The following KCNK13 variants were observed in gnomAD, a reference collection of about 807,000 sequenced individuals.
KCNK13 encodes potassium two pore domain channel subfamily K member 13.
KCNK13 carries 12 observed loss-of-function variants against 23.4 expected under a neutral mutation model. The ratio of observed to expected loss-of-function variants is 0.51; its 90% CI spans 0.33 to 0.83. The LOEUF is 0.83. Among genes scored for constraint, KCNK13 ranks in the 40% least tolerant of loss-of-function variants. KCNK13 has a pLI of 0.02. For synonymous variants in KCNK13, 231 were observed against 229.5 expected (o/e 1.01, Z -0.06); for missense variants, 463 against 556.3 (o/e 0.83, Z 1.69).
At chr14:90,143,179 TC>T (rs61271695) in intron 1 of KCNK13, among the ~76,000 whole-genome samples, 6,787 of 36,184 alleles carry the variant, frequency 0.19, 333 homozygotes, top group South Asian at 0.43. Flanking sequence ...TTCTTTCTTT[TC>T]TTTTCTTTTC....
intron 1 of KCNK13, among the ~76,000 whole-genome samples, chr14:90,112,239 C>T (rs755203859): frequency 6.6e-6 from 1 of 152,218 alleles, no homozygotes; most frequent in Non-Finnish European, 1.5e-5. Context: ...GTGCTGCTGA[C>T]ATGCAGGGAC....
At chr14:90,087,528 G>T (rs994914463) in intron 1 of KCNK13, among the ~76,000 whole-genome samples, 1 of 152,122 alleles carries the variant, frequency 6.6e-6, no homozygotes, top group African/African-American at 2.4e-5. Context: ...GAGAAAAAGG[G>T]AACCTGCCAC....
At chr14:90,094,169 A>G (rs1889381674) in intron 1 of KCNK13, among the ~76,000 whole-genome samples, 2 of 152,198 alleles carry the variant, frequency 1.3e-5, no homozygotes, top group African/African-American at 4.8e-5. Context: ...CATAGGCCTC[A>G]GTAAATATTT....
At chr14:90,131,423 G>A (rs1270545791) in intron 1 of KCNK13, among the ~76,000 whole-genome samples, 1 of 152,106 alleles carries the variant, frequency 6.6e-6, no homozygotes, top group South Asian at 2.1e-4. Flanking sequence ...TTAGAGACGG[G>A]GTTTCACCAT....
At chr14:90,086,386 C>T (rs1010022729) in intron 1 of KCNK13, among the ~76,000 whole-genome samples, 2 of 152,160 alleles carry the variant, frequency 1.3e-5, no homozygotes, top group South Asian at 4.1e-4. Context: ...TTGCCCAAAG[C>T]CACACAGCTA....
intron 1 of KCNK13, among the ~76,000 whole-genome samples, chr14:90,125,639 A>C: frequency 6.6e-6 from 1 of 151,968 alleles, no homozygotes; most frequent in African/African-American, 2.4e-5. Context: ...GCACACACAC[A>C]CAATGATGGA....
intron 1 of KCNK13, among the ~76,000 whole-genome samples, chr14:90,153,841 C>A (rs1283871139): frequency 6.6e-6 from 1 of 152,162 alleles, no homozygotes; most frequent in East Asian, 1.9e-4. Flanking sequence ...TCCTGTGTGC[C>A]CAGCCTTTCT....
chr14:90,086,434 A>G (rs1034038462), intron 1 of KCNK13, among the ~76,000 whole-genome samples: 1 of 152,212 alleles, frequency 6.6e-6, no homozygotes, highest in Non-Finnish European at 1.5e-5. Context: ...TTGTTCAGCC[A>G]TGATTTAAAC....
At chr14:90,086,241 A>G (rs1369251801) in intron 1 of KCNK13, among the ~76,000 whole-genome samples, 3 of 152,150 alleles carry the variant, frequency 2.0e-5, no homozygotes, top group African/African-American at 7.2e-5. Flanking sequence ...CTCACTGCTA[A>G]CATATACTAT....
At chr14:90,172,069 C>T (rs1184412813) in intron 1 of KCNK13, among the ~76,000 whole-genome samples, 3 of 152,160 alleles carry the variant, frequency 2.0e-5, no homozygotes, top group African/African-American at 7.2e-5. Flanking sequence ...GTAATCCCAC[C>T]GCTTTGGGAG....
At chr14:90,133,386 G>C (rs1889897358) in intron 1 of KCNK13, among the ~76,000 whole-genome samples, 1 of 152,108 alleles carries the variant, frequency 6.6e-6, no homozygotes, top group African/African-American at 2.4e-5. Context: ...GGGAGTTTAA[G>C]AGGAAACGGG....
chr14:90,117,753 C>T (rs978430838), intron 1 of KCNK13, among the ~76,000 whole-genome samples: 8 of 152,130 alleles, frequency 5.3e-5, no homozygotes, highest in African/African-American at 1.7e-4. Context: ...GTGTTGTGCA[C>T]CCATTACCTC....
chr14:90,080,242 T>A (rs1043237879), intron 1 of KCNK13, among the ~76,000 whole-genome samples: 1 of 151,994 alleles, frequency 6.6e-6, no homozygotes, highest in Non-Finnish European at 1.5e-5. Context: ...TCACCTGAGG[T>A]CAGGAGTTCG....
At chr14:90,111,081 A>G (rs1246651867) in intron 1 of KCNK13, among the ~76,000 whole-genome samples, 1 of 152,038 alleles carries the variant, frequency 6.6e-6, no homozygotes, top group Non-Finnish European at 1.5e-5. Context: ...TCCCTGCATT[A>G]GCCTATTAAT....
intron 1 of KCNK13, among the ~76,000 whole-genome samples, chr14:90,152,274 G>A (rs995603898): frequency 2.6e-5 from 4 of 152,160 alleles, no homozygotes; most frequent in Non-Finnish European, 5.9e-5. Flanking sequence ...AGTGGCTCAC[G>A]CCTGTAATCC....
intron 1 of KCNK13, among the ~76,000 whole-genome samples, chr14:90,155,789 G>A (rs1173756177): frequency 6.6e-6 from 1 of 152,118 alleles, no homozygotes; most frequent in Non-Finnish European, 1.5e-5. Context: ...GGAAATAAAG[G>A]AATTCCATTT....
chr14:90,176,443 T>A (rs1890422701), intron 1 of KCNK13, among the ~76,000 whole-genome samples: 1 of 152,024 alleles, frequency 6.6e-6, no homozygotes, highest in South Asian at 2.1e-4. Flanking sequence ...CCCTCAAGAA[T>A]AATCCACAGG....
chr14:90,091,870 T>C (rs1278804676), intron 1 of KCNK13, among the ~76,000 whole-genome samples: 1 of 151,916 alleles, frequency 6.6e-6, no homozygotes, highest in Non-Finnish European at 1.5e-5. Flanking sequence ...TACCTAAACG[T>C]TGGCAAGAAT....
chr14:90,120,633 G>A (rs1471268319), intron 1 of KCNK13, among the ~76,000 whole-genome samples: 3 of 152,150 alleles, frequency 2.0e-5, no homozygotes, highest in South Asian at 2.1e-4. Flanking sequence ...CAACTGCCCC[G>A]CATGATTCAT....
Sources: gnomAD v4.1 joint callset for allele counts (sites outside exome capture counted in the v4.1 genomes callset) on GRCh38, gnomAD v4.1.1 for gene constraint, MANE v1.5 for transcripts, NCBI Gene and HGNC (gene_info 2026-07-23, HGNC 2026-07-21) for gene names.